CCNY: variants seen among roughly 807,000 people sequenced by gnomAD.
CCNY encodes the protein cyclin-Y.
In CCNY, 19 loss-of-function variants were observed where a neutral mutation model predicts 42.8. That is an observed-to-expected ratio of 0.44 (90% CI 0.31 to 0.65). The LOEUF (loss-of-function observed/expected upper bound fraction) is 0.65. Among genes scored for constraint, CCNY ranks in the 30% least tolerant of loss-of-function variants. The pLI, the probability that CCNY is intolerant of heterozygous loss-of-function variation, is 0.07. For synonymous variants in CCNY, 165 were observed against 162.7 expected (o/e 1.01, Z -0.11); for missense variants, 370 against 437.3 (o/e 0.85, Z 1.37).
In CCNY at chr10:35,569,035, T is replaced by C; in HGVS notation, c.910-19T>C. 1.3e-6 allele frequency: 2 copies of C among 1,535,912 alleles called. No homozygotes were observed. The highest frequency in any genetic ancestry group is 1.8e-6 in the Non-Finnish European group (2 of 1,109,610). On this transcript the variant is annotated intron_variant, in intron 9 of 9. Transcript: ENST00000374704. ...AGATATGGCCCGCCCTGACCCACAC[T>C]GTCTTTCTTGCCCCTCAGGCCATCT...
At chr10:35,479,764 T>TAA (rs572142241) in intron 1 of CCNY, among the ~76,000 whole-genome samples, 2 of 145,286 alleles carry the variant, frequency 1.4e-5, no homozygotes, top group African/African-American at 5.1e-5. Flanking sequence ...ATAATAATAA[T>TAA]AAAAAAAAAA....
At chr10:35,291,094 C>T (rs181400999) in intron 3 of CCNY, among the ~76,000 whole-genome samples, 1,799 of 151,976 alleles carry the variant, frequency 0.012, 21 homozygotes, top group Middle Eastern at 0.024. Context: ...CAACCTCTGT[C>T]TCCTGGGTTC....
At chr10:35,347,629 C>G (rs1836334807) in intron 1 of CCNY, 1 of 155,584 alleles carries the variant, frequency 6.4e-6, no homozygotes, top group South Asian at 2.0e-4. Context: ...CCTTGTCTCA[C>G]ACTGCAGATT....
chr10:35,390,233 A>G (rs1837385880), intron 1 of CCNY, among the ~76,000 whole-genome samples: 1 of 152,208 alleles, frequency 6.6e-6, no homozygotes, highest in Admixed American at 6.5e-5. Flanking sequence ...AATGCCTTGC[A>G]ATGATTAATT....
chr10:35,562,359 TTCTG>T (rs1841483256), intron 8 of CCNY, among the ~76,000 whole-genome samples: 1 of 152,220 alleles, frequency 6.6e-6, no homozygotes, highest in Non-Finnish European at 1.5e-5. Context: ...AAGTATACAT[TTCTG>T]TAGCACTAAG....
At chr10:35,509,334 G>A (rs1187838793) in intron 3 of CCNY, among the ~76,000 whole-genome samples, 1 of 152,134 alleles carries the variant, frequency 6.6e-6, no homozygotes, top group Admixed American at 6.5e-5. Context: ...GGAGTACAGT[G>A]GTGTGATCTT....
At chr10:35,307,815 TATA>T (rs1489421145) in intron 3 of CCNY, among the ~76,000 whole-genome samples, 1,455 of 74,446 alleles carry the variant, frequency 0.02, 89 homozygotes, top group African/African-American at 0.046. Context: ...TATATATATA[TATA>T]TTTTTTTTTT....
chr10:35,446,263 A>C (rs1838787928), intron 1 of CCNY, among the ~76,000 whole-genome samples: 1 of 152,240 alleles, frequency 6.6e-6, no homozygotes, highest in Admixed American at 6.5e-5. Context: ...ACAGTACAAT[A>C]CTTTATCATC....
rs917132617 is a variant in CCNY at position 35,571,015 on chromosome 10, T to A, written c.*1845T>A. ...ATCACCTTCTCTCTTCAAGTCAAAG[T>A]TGAATTTAGAACTTTGAATACAGGT... On this transcript the variant is annotated 3_prime_UTR_variant, in exon 10 of 10. Coordinates refer to ENST00000374704, the MANE Select transcript of CCNY (RefSeq NM_145012.6). 2.6e-5 allele frequency: 4 copies of A among 152,312 alleles called. No homozygotes were observed. The highest frequency in any genetic ancestry group is 9.6e-5 in the African/African-American group (4 of 41,462). 9.4% of individuals were successfully genotyped at this position (152,312 alleles called of 1,614,324 possible). A position where few individuals can be genotyped will look rare whatever the true frequency, so the allele number is the denominator to read the frequency against.
chr10:35,562,035 G>T (rs560892747), intron 8 of CCNY, among the ~76,000 whole-genome samples: 11 of 152,312 alleles, frequency 7.2e-5, no homozygotes, highest in African/African-American at 2.4e-4. Context: ...AGTGGCAACC[G>T]CTGTGGATGG....
chr10:35,249,828 C>T (rs2095710566), intron 2 of CCNY, among the ~76,000 whole-genome samples: 1 of 152,020 alleles, frequency 6.6e-6, no homozygotes, highest in South Asian at 2.1e-4. Context: ...GGGAGGCAGA[C>T]TGCTTGAGGT....
At chr10:35,540,518 A>AG (rs1554799612) in intron 7 of CCNY, among the ~76,000 whole-genome samples, 1 of 151,566 alleles carries the variant, frequency 6.6e-6, no homozygotes, top group Non-Finnish European at 1.5e-5. Flanking sequence ...TTTTGGTATC[A>AG]GGGTAATAGT....
intron 1 of CCNY, among the ~76,000 whole-genome samples, chr10:35,398,593 T>C (rs1442173148): frequency 6.6e-6 from 1 of 152,104 alleles, no homozygotes; most frequent in Admixed American, 6.5e-5. Flanking sequence ...GTTTACCATA[T>C]GGTTCTCGAG....
chr10:35,448,056 C>T (rs187781565), intron 1 of CCNY, among the ~76,000 whole-genome samples: 354 of 152,294 alleles, frequency 2.3e-3, no homozygotes, highest in Non-Finnish European at 4.4e-3. Flanking sequence ...GTCTCATCCT[C>T]CAGCCAGTGA....
chr10:35,564,793 C>G (rs1015289328), intron 8 of CCNY, among the ~76,000 whole-genome samples: 1 of 152,240 alleles, frequency 6.6e-6, no homozygotes, highest in Non-Finnish European at 1.5e-5. Context: ...CTCCATGCTT[C>G]CCTCACCTCA....
At chr10:35,266,598 C>A (rs150131697) in intron 3 of CCNY, among the ~76,000 whole-genome samples, 12 of 152,030 alleles carry the variant, frequency 7.9e-5, no homozygotes, top group Non-Finnish European at 1.5e-5. Context: ...ATAAACGAAC[C>A]GAACAGAATG....
intron 1 of CCNY, chr10:35,455,524 G>T (rs1341239058): frequency 1.3e-5 from 2 of 152,232 alleles, no homozygotes; most frequent in African/African-American, 4.8e-5. Context: ...ATGGCCTTGG[G>T]ACCTGGGGCA....
chr10:35,286,611 G>A (rs886870734), intron 3 of CCNY, among the ~76,000 whole-genome samples: 2 of 146,756 alleles, frequency 1.4e-5, no homozygotes, highest in South Asian at 2.2e-4. Flanking sequence ...CTGCCTCGGC[G>A]TCCCAAAGTG....
intron 3 of CCNY, among the ~76,000 whole-genome samples, chr10:35,308,629 A>G (rs774761512): frequency 5.9e-5 from 9 of 152,076 alleles, no homozygotes; most frequent in Non-Finnish European, 1.3e-4. Context: ...CAGGGACCCA[A>G]TGAAGCCAAT....
Sources: allele counts gnomAD v4.1 joint callset (sites outside exome capture counted in the v4.1 genomes callset), GRCh38; gene constraint gnomAD v4.1.1; transcripts MANE v1.5; gene names NCBI Gene and HGNC (gene_info 2026-07-23, HGNC 2026-07-21).